Variants in PANX1 observed in about 807,000 individuals in gnomAD.
PANX1 encodes the protein pannexin-1.
PANX1 carries 30 observed loss-of-function variants against 38.7 expected under a neutral mutation model. The ratio of observed to expected loss-of-function variants is 0.78; its 90% CI spans 0.58 to 1.05. PANX1 has a LOEUF of 1.05. Ranked by LOEUF, PANX1 falls within the 50% of genes least tolerant of loss-of-function variation. The pLI is 0.00. For synonymous variants in PANX1, 230 were observed against 212.2 expected, an observed-to-expected ratio of 1.08 and a Z score of -0.73; for missense variants, 551 against 517.2, an observed-to-expected ratio of 1.07 and a Z score of -0.63.
intron 1 of PANX1, among the ~76,000 whole-genome samples, chr11:94,139,054 C>T (rs192500762): frequency 2.0e-5 from 3 of 152,240 alleles, no homozygotes; most frequent in Non-Finnish European, 1.5e-5. Flanking sequence ...GGAACCCGTT[C>T]GTTATTCATT....
rs1488386695 is a variant in PANX1, at chr11:94,179,955, G to A, written c.899G>A (p.Arg300Gln). ...GTCTACACGCTGTTTGTTCCATTCC[G>A]ACAGAAGACAGATGTTCTCAAAGTG... ...VVVYTLFVPF[R>Q]QKTDVLKVYE... Residue 300 changes from arginine (R) to glutamine (Q), a missense_variant, in exon 4 of 5, where the codon CGA (arginine) becomes CAA (glutamine). Physicochemically the swap from Arg to Gln is conservative, Grantham distance 43. Coordinates refer to ENST00000227638, the MANE Select transcript of PANX1 (RefSeq NM_015368.4). The A allele has an allele frequency of 3.1e-6, 5 of 1,599,968 alleles. No homozygotes were observed. The highest frequency in any genetic ancestry group is 2.2e-5 in the East Asian group (1 of 44,670).
chr11:94,175,869 A>G (rs1565385652), intron 2 of PANX1: 1 of 984,746 alleles, frequency 1.0e-6, no homozygotes, highest in Non-Finnish European at 1.2e-6. Flanking sequence ...CCAGAATGCC[A>G]AAGTAAAGCA....
chr11:94,158,722 T>G (rs1349896631), intron 2 of PANX1, among the ~76,000 whole-genome samples: 1 of 152,234 alleles, frequency 6.6e-6, no homozygotes, highest in Non-Finnish European at 1.5e-5. Context: ...CCTCTTTTCC[T>G]GATTGAATGC....
intron 1 of PANX1, among the ~76,000 whole-genome samples, chr11:94,136,407 T>C (rs867448228): frequency 2.2e-4 from 34 of 152,310 alleles, no homozygotes; most frequent in African/African-American, 8.2e-4. Flanking sequence ...TACCATAACT[T>C]GAAGTTAGGT....
chr11:94,144,344 T>C (rs1946802046), intron 1 of PANX1, among the ~76,000 whole-genome samples: 1 of 152,104 alleles, frequency 6.6e-6, no homozygotes, highest in Admixed American at 6.5e-5. Context: ...TTCCCAGCTC[T>C]CACATGTCAC....
At chr11:94,129,909 G>C (rs1477172280) in intron 1 of PANX1, among the ~76,000 whole-genome samples, 1 of 152,206 alleles carries the variant, frequency 6.6e-6, no homozygotes, top group African/African-American at 2.4e-5. Context: ...GTGAAGACCG[G>C]TGCTCCATGA....
chr11:94,167,804 T>C lies in PANX1; in HGVS notation c.322-10565T>C, dbSNP rs555679711. ...ATGTGCAGTGGCAGAAAGCCACAGA[T>C]GACATGGTCCCTTCATCAAGGAGCT... On this transcript the variant is annotated intron_variant, in intron 2 of 4. Coordinates refer to ENST00000227638, the MANE Select transcript of PANX1 (RefSeq NM_015368.4). 3.3e-5 allele frequency among the ~76,000 whole-genome samples: 5 copies of C among 152,326 alleles called. No individual in the cohort carries two copies. In the South Asian group the frequency reaches 8.3e-4, roughly 25 times the overall value.
intron 1 of PANX1, 21 bp downstream of exon 1, chr11:94,129,514 A>AG: frequency 6.3e-7 from 1 of 1,588,860 alleles, no homozygotes; most frequent in African/African-American, 1.3e-5. Context: ...CCCAGGACGG[A>AG]GGGGAGTGGC....
At chr11:94,153,153 C>G (rs1388394602) in intron 1 of PANX1, among the ~76,000 whole-genome samples, 1 of 152,148 alleles carries the variant, frequency 6.6e-6, no homozygotes, top group African/African-American at 2.4e-5. Context: ...TTTTCTCAAT[C>G]CTTACTCCAA....
chr11:94,170,619 A>G (rs1169899716), intron 2 of PANX1, among the ~76,000 whole-genome samples: 1 of 151,742 alleles, frequency 6.6e-6, no homozygotes, highest in Admixed American at 6.6e-5. Context: ...GCTTCTCCAC[A>G]CTGAGCAGAC....
chr11:94,129,077 AGCTCT>A lies in PANX1; in HGVS notation c.-235_-231del. The A allele has an allele frequency of 5.0e-6, 2 of 400,152 alleles. No individual in the cohort carries two copies. Among genetic ancestry groups the A allele is most frequent in the African/African-American group, 2.5e-5 (1 of 40,140 alleles). The allele number at this position is 400,152 out of a possible 1,614,324, so 24.8% of individuals were successfully genotyped here. ...TGCGGGGTGGAACCGCAGGAAGCGG[AGCTCT>A]CGGGTTCCCGCCCCGCCCCGCCCCG... On this transcript the variant is annotated 5_prime_UTR_variant, in exon 1 of 5. An upstream open reading frame in the 5' UTR loses its in-frame stop. Transcript: ENST00000227638.
intron 1 of PANX1, among the ~76,000 whole-genome samples, chr11:94,144,028 G>T (rs1288665742): frequency 1.3e-5 from 2 of 152,122 alleles, no homozygotes; most frequent in Admixed American, 6.5e-5. Flanking sequence ...GACCCATGGT[G>T]CCCAGTCCCC....
At chr11:94,144,581 T>C (rs1946805559) in intron 1 of PANX1, among the ~76,000 whole-genome samples, 2 of 152,172 alleles carry the variant, frequency 1.3e-5, no homozygotes, top group African/African-American at 4.8e-5. Flanking sequence ...CTGTGGTTTT[T>C]AATGAACTTG....
intron 2 of PANX1, among the ~76,000 whole-genome samples, chr11:94,161,954 G>C (rs949081439): frequency 1.3e-5 from 2 of 152,214 alleles, no homozygotes; most frequent in African/African-American, 4.8e-5. Flanking sequence ...ACCCTCAGCT[G>C]CAGGTGTGTT....
intron 1 of PANX1, among the ~76,000 whole-genome samples, chr11:94,137,374 G>C (rs1946707707): frequency 6.6e-6 from 1 of 152,174 alleles, no homozygotes; most frequent in African/African-American, 2.4e-5. Flanking sequence ...GTTTGGATTA[G>C]CAACATCCCT....
intron 1 of PANX1, among the ~76,000 whole-genome samples, 199 bp downstream of exon 1, chr11:94,129,692 C>T (rs1244074473): frequency 3.9e-5 from 6 of 152,208 alleles, no homozygotes; most frequent in Admixed American, 3.3e-4. Context: ...ACTCTGCTCG[C>T]ATCCCTACTC....
At chr11:94,130,552 A>AAACAGCACTAAGTAAATACTAACC (rs60963116) in intron 1 of PANX1, among the ~76,000 whole-genome samples, 105,227 of 151,900 alleles carry the variant, frequency 0.69, 36,706 homozygotes, top group African/African-American at 0.78. Flanking sequence ...GACTGGTTGA[A>AAACAGCACTAAGTAAATACTAACC]TGATGGTGGC....
At chr11:94,136,322 G>C (rs1440682504) in intron 1 of PANX1, among the ~76,000 whole-genome samples, 3 of 152,104 alleles carry the variant, frequency 2.0e-5, no homozygotes, top group Non-Finnish European at 4.4e-5. Context: ...CCTCCTTCAG[G>C]GGGTAGAATT....
intron 2 of PANX1, among the ~76,000 whole-genome samples, chr11:94,155,492 C>T (rs1227037317): frequency 6.6e-6 from 1 of 151,932 alleles, no homozygotes; most frequent in Non-Finnish European, 1.5e-5. Flanking sequence ...CCAGCATGGG[C>T]AACAGAGTGA....
Sources: gnomAD v4.1 joint callset for allele counts (sites outside exome capture counted in the v4.1 genomes callset) on GRCh38, gnomAD v4.1.1 for gene constraint, MANE v1.5 for transcripts, NCBI Gene and HGNC (gene_info 2026-07-23, HGNC 2026-07-21) for gene names.